The following SLCO2B1 variants were observed in gnomAD, a reference collection of about 807,000 sequenced individuals.
The protein encoded by SLCO2B1 is solute carrier organic anion transporter family member 2B1.
In SLCO2B1, 41 loss-of-function variants were observed where a neutral mutation model predicts 67.3. That is an observed-to-expected ratio of 0.61 (90% confidence interval 0.47 to 0.79). The LOEUF (loss-of-function observed/expected upper bound fraction) is 0.79. Ranked by LOEUF, SLCO2B1 falls within the 30% of genes least tolerant of loss-of-function variation. SLCO2B1 has a pLI of 0.00. For missense variants in SLCO2B1, 837 were observed against 920.1 expected, an observed-to-expected ratio of 0.91 and a Z score of 1.17; for synonymous variants, 379 against 381.4, an observed-to-expected ratio of 0.99 and a Z score of 0.07.
chr11:75,180,072 C>T (rs569627645), intron 7 of SLCO2B1, among the ~76,000 whole-genome samples: 228 of 152,312 alleles, frequency 1.5e-3, no homozygotes, highest in African/African-American at 4.9e-3. Flanking sequence ...GGCTGGAGTG[C>T]AGTAGCGCAA....
intron 4 of SLCO2B1, among the ~76,000 whole-genome samples, chr11:75,168,238 C>T (rs1279509395): frequency 6.6e-6 from 1 of 152,126 alleles, no homozygotes; most frequent in African/African-American, 2.4e-5. Context: ...AACCAAGGCC[C>T]AGAGTGGGTA....
At chr11:75,151,445 G>C in intron 1 of SLCO2B1, 48 bp downstream of exon 1, 1 of 1,605,416 alleles carries the variant, frequency 6.2e-7, no homozygotes, top group Non-Finnish European at 8.5e-7. Flanking sequence ...AAGCCTGGGG[G>C]ACATGTTCCC....
chr11:75,180,040 T>C (rs995334380), intron 7 of SLCO2B1, among the ~76,000 whole-genome samples: 1 of 142,774 alleles, frequency 7.0e-6, no homozygotes, highest in South Asian at 2.3e-4. Context: ...TATTTTGAAA[T>C]GGAGTCTCTC....
chr11:75,199,176 C>T (rs532802016), intron 10 of SLCO2B1, among the ~76,000 whole-genome samples: 115 of 152,236 alleles, frequency 7.6e-4, no homozygotes, highest in African/African-American at 2.6e-3. Flanking sequence ...ATGATATGCA[C>T]TTAGGGGTCA....
At chr11:75,188,347 C>T in intron 8 of SLCO2B1, 109 bp downstream of exon 8, 1 of 713,624 alleles carries the variant, frequency 1.4e-6, no homozygotes, top group Non-Finnish European at 2.5e-6. Context: ...TACCTGCAGA[C>T]CCCTCATGAG....
rs139161853 is a variant in SLCO2B1, at chr11:75,157,347, T to C, written c.17-5308T>C. Among the ~76,000 whole-genome samples the C allele has an allele frequency of 7.5e-3, 1,144 of 151,824 alleles. 13 individuals carry two copies. The highest frequency in any genetic ancestry group is 0.026 in the African/African-American group (1,062 of 41,378). On this transcript the variant is annotated intron_variant, in intron 1 of 13. Coordinates refer to ENST00000289575, the MANE Select transcript of SLCO2B1 (RefSeq NM_007256.5). ...TGTTGACGGTAAGGTACAGTTTGAGTTTTTTAGCTGTCAGGCTGAATGTGG... is the reference window on the plus strand; with the variant it reads ...TGTTGACGGTAAGGTACAGTTTGAGCTTTTTAGCTGTCAGGCTGAATGTGG...
chr11:75,197,914 G>C (rs1945124569), intron 10 of SLCO2B1, among the ~76,000 whole-genome samples: 2 of 152,188 alleles, frequency 1.3e-5, no homozygotes, highest in Non-Finnish European at 2.9e-5. Context: ...TGACAAAGGG[G>C]GACAATGTCT....
intron 7 of SLCO2B1, among the ~76,000 whole-genome samples, chr11:75,182,984 C>A (rs1453568536): frequency 6.6e-6 from 1 of 152,164 alleles, no homozygotes; most frequent in East Asian, 1.9e-4. Flanking sequence ...GACCCTCCCA[C>A]CACTGTGGCA....
chr11:75,185,789 C>T (rs1387514962), intron 7 of SLCO2B1, among the ~76,000 whole-genome samples: 2 of 152,110 alleles, frequency 1.3e-5, no homozygotes, highest in Admixed American at 6.6e-5. Flanking sequence ...AGCTACAATA[C>T]ATGTTTATAT....
In SLCO2B1 at chr11:75,196,539, C is replaced by T. The variant is rs201163362; in HGVS notation, c.1459C>T (p.Pro487Ser). ...TSAHPGLELS[P>S]SCMEACSCPL... ...TGCCCACCCTGGGCTGGAGCTGTCT[C>T]CAAGCTGCATGGAGGCCTGCTCCTG... Residue 487 changes from proline (P) to serine (S), a missense_variant, in exon 10 of 14, where the codon CCA (proline) becomes TCA (serine). Physicochemically the swap from Pro to Ser is moderately conservative, Grantham distance 74. Coordinates refer to ENST00000289575, the MANE Select transcript of SLCO2B1 (RefSeq NM_007256.5). 72 of 1,613,898 alleles carry T rather than the reference C, an allele frequency of 4.5e-5. No homozygotes were observed. In the South Asian group the frequency reaches 7.8e-4, roughly 17 times the overall value.
chr11:75,178,192 G>A (rs181886111), intron 7 of SLCO2B1, among the ~76,000 whole-genome samples: 2 of 151,998 alleles, frequency 1.3e-5, no homozygotes, highest in East Asian at 1.9e-4. Flanking sequence ...TGTCAGGTGC[G>A]TCTACCATGC....
intron 7 of SLCO2B1, among the ~76,000 whole-genome samples, chr11:75,178,384 G>A (rs757439066): frequency 7.9e-5 from 12 of 152,188 alleles, no homozygotes; most frequent in Non-Finnish European, 1.5e-4. Flanking sequence ...CTTGTTCTTG[G>A]CATCTTTCTC....
At chr11:75,182,600 G>A (rs961734452) in intron 7 of SLCO2B1, among the ~76,000 whole-genome samples, 1 of 152,110 alleles carries the variant, frequency 6.6e-6, no homozygotes, top group South Asian at 2.1e-4. Context: ...AAATTAGCCA[G>A]GTGTGGTGGC....
chr11:75,169,873 C>A, intron 6 of SLCO2B1, 109 bp downstream of exon 6: 1 of 828,510 alleles, frequency 1.2e-6, no homozygotes, highest in Non-Finnish European at 2.0e-6. Context: ...CACCACTGAC[C>A]TTGGGCAAGT....
intron 7 of SLCO2B1, among the ~76,000 whole-genome samples, chr11:75,176,485 C>T (rs1950025422): frequency 6.6e-6 from 1 of 152,212 alleles, no homozygotes. Flanking sequence ...GTTTTAAAGT[C>T]TGTGTTCCTA....
chr11:75,160,307 GT>G (rs1216409665), intron 1 of SLCO2B1, among the ~76,000 whole-genome samples: 1 of 152,236 alleles, frequency 6.6e-6, no homozygotes, highest in Non-Finnish European at 1.5e-5. Flanking sequence ...GTGATGTTGA[GT>G]TTAACACTTA....
In SLCO2B1 at chr11:75,193,470, G is replaced by C. The variant is rs1173314250; in HGVS notation, c.1328G>C (p.Gly443Ala). ...CTCCACCTGGGCCCTGTGGGATGCGGTGCCCTTTGCCTGCTGGGGATGCTG... is the reference window on the plus strand; with the variant it reads ...CTCCACCTGGGCCCTGTGGGATGCGCTGCCCTTTGCCTGCTGGGGATGCTG... ...KRLHLGPVGC[G>A]ALCLLGMLLC... is the part of the protein sequence containing the mutation. The change falls in exon 9 of 14, where the codon GGT (glycine) becomes GCT (alanine). Residue 443 changes from glycine to alanine, a missense_variant. Coordinates refer to ENST00000289575, the MANE Select transcript of SLCO2B1 (RefSeq NM_007256.5). This position sits in a 1 kb window ranked among gnomAD's most constrained non-coding sequence, Gnocchi z 4.2. 1 of 1,611,588 alleles carries C rather than the reference G, an allele frequency of 6.2e-7. No homozygotes were observed. The highest frequency in any genetic ancestry group is 1.3e-5 in the African/African-American group (1 of 74,920).
At chr11:75,154,667 C>T (rs1157604120) in intron 1 of SLCO2B1, among the ~76,000 whole-genome samples, 1 of 152,220 alleles carries the variant, frequency 6.6e-6, no homozygotes. Context: ...CTGGACAAAT[C>T]TGTACTGAAG....
rs1949882435 is a variant in SLCO2B1 at position 75,165,828 on chromosome 11, C to T, written c.327C>T (p.Gly109=). 1 of 1,614,050 alleles carries T rather than the reference C, an allele frequency of 6.2e-7. No homozygotes were observed. Residue 109 remains glycine (G), a synonymous_variant, in exon 4 of 14, where the codon GGC becomes GGT. Transcript: ENST00000289575. ...TGATTGTGTTTGTGAGCTATTTTGGCAGCCGGGTGCACCGACCCCGAATGA... is the reference window on the plus strand; with the variant it reads ...TGATTGTGTTTGTGAGCTATTTTGGTAGCCGGGTGCACCGACCCCGAATGA... ...TALIVFVSYF[G]SRVHRPRMIG...
Sources: allele counts gnomAD v4.1 joint callset (sites outside exome capture counted in the v4.1 genomes callset), GRCh38; gene constraint gnomAD v4.1.1; non-coding constraint Gnocchi (gnomAD v3.1); transcripts MANE v1.5; gene names NCBI Gene and HGNC (gene_info 2026-07-23, HGNC 2026-07-21).